Variants in TMEM8B observed in about 807,000 individuals in gnomAD.
TMEM8B encodes the protein transmembrane protein 8B, also known as nasopharyngeal carcinoma expressed 6.
A neutral mutation model predicts 49.3 loss-of-function variants in TMEM8B; 29 were observed. The ratio of observed to expected loss-of-function variants is 0.59; its 90% CI spans 0.44 to 0.80. TMEM8B has a LOEUF of 0.80. Ranked by LOEUF, TMEM8B falls within the 30% of genes least tolerant of loss-of-function variation. TMEM8B has a pLI of 0.00. For missense variants in TMEM8B, 575 were observed against 658.5 expected (o/e 0.87, Z 1.39); for synonymous variants, 264 against 272.8 (o/e 0.97, Z 0.32).
chr9:35,842,064 C>T lies in TMEM8B; in HGVS notation c.1309+270C>T, dbSNP rs146405549. ...CTCAGTTTCCTGGGGTAGGCAGGGA[C>T]ATCCAGGACCTCTGGGACACTGTCC... On this transcript the variant is annotated intron_variant, in intron 5 of 12. Coordinates refer to ENST00000643932, the MANE Select transcript of TMEM8B (RefSeq NM_001042590.4). The surrounding 1 kb of genome is among the most constrained non-coding windows in gnomAD (Gnocchi z 5.6). 2.6e-3 allele frequency among the ~76,000 whole-genome samples: 403 copies of T among 152,296 alleles called. No individual in the cohort carries two copies. The highest frequency in any genetic ancestry group is 8.3e-3 in the African/African-American group (346 of 41,550).
At position 35,845,563 on chromosome 9, in the gene TMEM8B, C is replaced by T. The variant is rs142271461; in HGVS notation, c.1636-412C>T. On this transcript the variant is annotated intron_variant, in intron 6 of 12. Transcript: ENST00000643932. The stretch of plus-strand genomic sequence containing the variant: ...TTGGAGTGAGTGTCTTCATGCTCCA[C>T]CTGTCTTGGGGTCCAGGTGAAGATG... The T allele has an allele frequency of 2.7e-5, 27 of 985,458 alleles. No homozygotes were observed. The African/African-American group carries it at 4.5e-4, about 17-fold the overall frequency. The allele number at this position is 985,458 out of a possible 1,614,324, so 61.0% of individuals were successfully genotyped here. A position where few individuals can be genotyped will look rare whatever the true frequency, so the allele number is the denominator to read the frequency against.
chr9:35,843,610 G>A (rs900993691), intron 6 of TMEM8B, among the ~76,000 whole-genome samples: 1 of 152,060 alleles, frequency 6.6e-6, no homozygotes, highest in Non-Finnish European at 1.5e-5. Context: ...GATCACCTAG[G>A]GCTTGTGGTG....
At position 35,862,684 on chromosome 9, in the gene TMEM8B, C is replaced by T. The variant is rs1442048103; in HGVS notation, c.*8844C>T. On this transcript the variant is annotated 3_prime_UTR_variant, in exon 13 of 13. Transcript: ENST00000643932. ...TGGGCAGTTTCTTCAGGCTGGAGTG[C>T]CTTTCTTTTCTACTCATCCTTCAAG... 1 of 152,192 alleles carries T rather than the reference C, an allele frequency of 6.6e-6. No individual in the cohort carries two copies. Among genetic ancestry groups the T allele is most frequent in the Non-Finnish European group, 1.5e-5 (1 of 68,080 alleles). The allele number at this position is 152,192 out of a possible 1,614,324, so 9.4% of individuals were successfully genotyped here. A position where few individuals can be genotyped will look rare whatever the true frequency, so the allele number is the denominator to read the frequency against.
At chr9:35,844,116 T>C (rs779672367) in intron 6 of TMEM8B, among the ~76,000 whole-genome samples, 206 of 152,232 alleles carry the variant, frequency 1.4e-3, no homozygotes, top group Admixed American at 2.1e-3. Flanking sequence ...TTAATTACTT[T>C]GTTTATCTAG....
chr9:35,856,999 T>C lies in TMEM8B; in HGVS notation c.*3159T>C, dbSNP rs958864204. ...TCCTGACTTGTCTCAGTGGGGGAGA[T>C]CCCAAGATTCAAACAGCCCTTCCTT... is the stretch of plus-strand genomic sequence containing the variant. On this transcript the variant is annotated 3_prime_UTR_variant, in exon 13 of 13. Transcript: ENST00000643932. 6.6e-6 allele frequency: 1 copy of C among 152,126 alleles called. No individual in the cohort carries two copies. The highest frequency in any genetic ancestry group is 1.5e-5 in the Non-Finnish European group (1 of 68,016). The allele number at this position is 152,126 out of a possible 1,614,324, so 9.4% of individuals were successfully genotyped here.
Position 35,841,927 on chromosome 9 carries a change from C to G in TMEM8B, c.1309+133C>G. The stretch of plus-strand genomic sequence containing the variant: ...CCCATCCCAAGCTCCTTCATGCTCC[C>G]TGAAGCCATCACACTTGGAGCTCCA... On this transcript the variant is annotated intron_variant, in intron 5 of 12. Coordinates refer to ENST00000643932, the MANE Select transcript of TMEM8B (RefSeq NM_001042590.4). The surrounding 1 kb of genome is among the most constrained non-coding windows in gnomAD (Gnocchi z 5.9). 1 of 409,224 alleles carries G rather than the reference C, an allele frequency of 2.4e-6. No homozygotes were observed. The highest frequency in any genetic ancestry group is 4.4e-6 in the Non-Finnish European group (1 of 226,120). The allele number at this position is 409,224 out of a possible 1,614,324, so 25.3% of individuals were successfully genotyped here.
rs751033401 is a variant in TMEM8B at position 35,853,767 on chromosome 9, G to A, written c.2702G>A (p.Cys901Tyr). The A allele has an allele frequency of 6.2e-7, 1 of 1,602,090 alleles. No homozygotes were observed. Among genetic ancestry groups the A allele is most frequent in the African/African-American group, 1.3e-5 (1 of 74,644 alleles). ...ARARGCGYQL[C>Y]INEQEELGLV... Reference sequence around the variant, plus strand: ...GCCCGGGGCTGTGGTTACCAGCTATGCATCAACGAGCAGGAGGAGCTGGGC... The same window carrying A: ...GCCCGGGGCTGTGGTTACCAGCTATACATCAACGAGCAGGAGGAGCTGGGC... The change falls in exon 13 of 13, where the codon TGC (cysteine) becomes TAC (tyrosine). Residue 901 changes from cysteine (C) to tyrosine (Y), a missense_variant. Physicochemically the swap from Cys to Tyr is radical, Grantham distance 194. Transcript: ENST00000643932. This position sits in a 1 kb window ranked among gnomAD's most constrained non-coding sequence, Gnocchi z 4.2.
At chr9:35,838,843 C>G (rs966509672) in intron 3 of TMEM8B, among the ~76,000 whole-genome samples, 2 of 152,172 alleles carry the variant, frequency 1.3e-5, no homozygotes, top group East Asian at 3.9e-4. Flanking sequence ...TTATTCCTCA[C>G]AAGCAATCGT....
In TMEM8B at chr9:35,854,477, G is replaced by A. The variant is rs1832424544; in HGVS notation, c.*637G>A. On this transcript the variant is annotated 3_prime_UTR_variant, in exon 13 of 13. Coordinates refer to ENST00000643932, the MANE Select transcript of TMEM8B (RefSeq NM_001042590.4). Reference sequence around the variant, plus strand: ...CCCCTGGGGTCAGGGGTGTGGGGAAGTGGGGAAAGAGGGCCCCTCAGGGAA... The same window carrying A: ...CCCCTGGGGTCAGGGGTGTGGGGAAATGGGGAAAGAGGGCCCCTCAGGGAA... The A allele has an allele frequency of 6.8e-6, 1 of 146,320 alleles. No homozygotes were observed. The highest frequency in any genetic ancestry group is 6.9e-5 in the Admixed American group (1 of 14,496). The allele number at this position is 146,320 out of a possible 1,614,324, so 9.1% of individuals were successfully genotyped here. A position where few individuals can be genotyped will look rare whatever the true frequency, so the allele number is the denominator to read the frequency against.
chr9:35,836,058 A>T (rs1029957682), intron 3 of TMEM8B, among the ~76,000 whole-genome samples: 2 of 152,220 alleles, frequency 1.3e-5, no homozygotes, highest in African/African-American at 2.4e-5. Context: ...ACGAGCAAGA[A>T]CAGAGTGAGG....
intron 6 of TMEM8B, among the ~76,000 whole-genome samples, chr9:35,844,597 T>C (rs1242516616): frequency 1.1e-4 from 17 of 152,286 alleles, no homozygotes; most frequent in Admixed American, 1.1e-3. Context: ...CTCTCTTTGT[T>C]CTAGCTAAGA....
chr9:35,853,799 G>T lies in TMEM8B; in HGVS notation c.2734G>T (p.Gly912Cys). The part of the protein sequence containing the change: ...INEQEELGLV[G>C]PGGATVSSIC... ...CGAGCAGGAGGAGCTGGGCCTCGTGGGCCCAGGAGGGGCCACTGTCAGCAG... is the reference window on the plus strand; with the variant it reads ...CGAGCAGGAGGAGCTGGGCCTCGTGTGCCCAGGAGGGGCCACTGTCAGCAG... The change falls in exon 13 of 13, where the codon GGC (glycine) becomes TGC (cysteine). Residue 912 changes from glycine to cysteine, a missense_variant. Transcript: ENST00000643932. This position sits in a 1 kb window ranked among gnomAD's most constrained non-coding sequence, Gnocchi z 4.2. 3.2e-6 allele frequency: 5 copies of T among 1,565,578 alleles called. No individual in the cohort carries two copies. Among genetic ancestry groups the T allele is most frequent in the Non-Finnish European group, 4.3e-6 (5 of 1,157,022 alleles).
At chr9:35,839,096 A>G (rs889458576) in intron 3 of TMEM8B, among the ~76,000 whole-genome samples, 3 of 152,178 alleles carry the variant, frequency 2.0e-5, no homozygotes, top group African/African-American at 7.2e-5. Context: ...TCCCGCAGAG[A>G]AGGCTAAGTG....
chr9:35,836,765 T>G (rs1210339357), intron 3 of TMEM8B, among the ~76,000 whole-genome samples: 1 of 152,138 alleles, frequency 6.6e-6, no homozygotes, highest in Non-Finnish European at 1.5e-5. Flanking sequence ...CTGGGGAACT[T>G]GGTACCAAAC....
chr9:35,838,839 C>G (rs951517459), intron 3 of TMEM8B, among the ~76,000 whole-genome samples: 9 of 152,210 alleles, frequency 5.9e-5, no homozygotes, highest in African/African-American at 2.2e-4. Flanking sequence ...CTCCTTATTC[C>G]TCACAAGCAA....
rs1393528129 is a variant in TMEM8B, at chr9:35,854,884, T to G, written c.*1044T>G. ...TGCCAGAAAAGATCATTTGTCCATT[T>G]GGGATTCCTTCTCTTTCCATGAGGG... On this transcript the variant is annotated 3_prime_UTR_variant, in exon 13 of 13. Transcript: ENST00000643932. The G allele has an allele frequency of 1.3e-5, 2 of 152,238 alleles. No homozygotes were observed. The allele number at this position is 152,238 out of a possible 1,614,324, so 9.4% of individuals were successfully genotyped here.
chr9:35,837,789 G>C (rs942987136), intron 3 of TMEM8B, among the ~76,000 whole-genome samples: 1 of 151,940 alleles, frequency 6.6e-6, no homozygotes, highest in Non-Finnish European at 1.5e-5. Context: ...ACTCTGTCTT[G>C]TCCCCGGCCT....
intron 1 of TMEM8B, chr9:35,833,299 T>G: frequency 1.0e-6 from 1 of 985,398 alleles, no homozygotes; most frequent in Non-Finnish European, 1.2e-6. Flanking sequence ...GGGTCTGTCC[T>G]GAAGCTGCTG....
intron 3 of TMEM8B, among the ~76,000 whole-genome samples, chr9:35,840,470 C>T (rs959352090): frequency 6.6e-6 from 1 of 152,152 alleles, no homozygotes; most frequent in Non-Finnish European, 1.5e-5. Flanking sequence ...GAGGAACAAA[C>T]ATCAAATAGG....
Sources: allele counts gnomAD v4.1 joint callset (sites outside exome capture counted in the v4.1 genomes callset), GRCh38; gene constraint gnomAD v4.1.1; non-coding constraint Gnocchi (gnomAD v3.1); transcripts MANE v1.5; gene names NCBI Gene and HGNC (gene_info 2026-07-23, HGNC 2026-07-21).